Variants in MARCHF5 observed in about 807,000 individuals in gnomAD.
MARCHF5 encodes the protein membrane associated ring-CH-type finger 5, also known as E3 ubiquitin-protein ligase MARCHF5.
In MARCHF5, 5 loss-of-function variants were observed where a neutral mutation model predicts 36.5. That is an observed-to-expected ratio of 0.14 (90% CI 0.07 to 0.29). The LOEUF (loss-of-function observed/expected upper bound fraction) is 0.29. MARCHF5 is among the 10% of genes least tolerant of loss of function. The probability of loss-of-function intolerance (pLI) is 1.00; values close to 1 mark genes in which losing one functional copy is unlikely to be tolerated. For synonymous variants in MARCHF5, 103 were observed against 109.9 expected, an observed-to-expected ratio of 0.94 and a Z score of 0.39; for missense variants, 179 against 336.3, an observed-to-expected ratio of 0.53 and a Z score of 3.66.
intron 2 of MARCHF5, among the ~76,000 whole-genome samples, chr10:92,339,195 C>T (rs1441248124): frequency 6.6e-6 from 1 of 151,260 alleles, no homozygotes; most frequent in Non-Finnish European, 1.5e-5. Context: ...CAGGGTGAAA[C>T]CCCATCTCTA....
intron 2 of MARCHF5, among the ~76,000 whole-genome samples, chr10:92,328,087 T>C (rs915976709): frequency 6.6e-6 from 1 of 152,162 alleles, no homozygotes; most frequent in Non-Finnish European, 1.5e-5. Flanking sequence ...AGGGATATTA[T>C]ACAAAATACC....
At position 92,336,280 on chromosome 10, in the gene MARCHF5, G is replaced by A. The variant is rs557928606; in HGVS notation, c.239-4393G>A. Among the ~76,000 whole-genome samples the A allele has an allele frequency of 1.1e-4, 16 of 152,242 alleles. No homozygotes were observed. The South Asian group carries it at 2.7e-3, about 26-fold the overall frequency. On this transcript the variant is annotated intron_variant, in intron 2 of 5. Coordinates refer to ENST00000358935, the MANE Select transcript of MARCHF5 (RefSeq NM_017824.5). ...TCAAACTCCTGACCTCAGGTGATCCGCCCACCTTGGCCTCCCAAAGTGCTG... is the reference window on the plus strand; with the variant it reads ...TCAAACTCCTGACCTCAGGTGATCCACCCACCTTGGCCTCCCAAAGTGCTG...
chr10:92,331,418 C>T (rs1402639071), intron 2 of MARCHF5, among the ~76,000 whole-genome samples: 1 of 151,914 alleles, frequency 6.6e-6, no homozygotes, highest in East Asian at 1.9e-4. Flanking sequence ...CTGTTTGTAT[C>T]CTTACCTCCT....
chr10:92,298,254 C>A (rs2254769), intron 1 of MARCHF5, among the ~76,000 whole-genome samples: 2,069 of 152,230 alleles, frequency 0.014, 17 homozygotes, highest in Non-Finnish European at 0.023. Flanking sequence ...GACTTTTTAT[C>A]CTTCAGAATC....
rs1843278977 is a variant in MARCHF5 at position 92,320,583 on chromosome 10, T to A, written c.238+9246T>A. Reference sequence around the variant, plus strand: ...CTGACCCTGTGTAGGCCTAGGCTAATGTGTGTATTTGTGTCTTAGTTTTTA... The same window carrying A: ...CTGACCCTGTGTAGGCCTAGGCTAAAGTGTGTATTTGTGTCTTAGTTTTTA... On this transcript the variant is annotated intron_variant, in intron 2 of 5. Coordinates refer to ENST00000358935, the MANE Select transcript of MARCHF5 (RefSeq NM_017824.5). Among the ~76,000 whole-genome samples the A allele has an allele frequency of 9.2e-5, 14 of 152,150 alleles. No individual in the cohort carries two copies. The South Asian group carries it at 2.9e-3, about 32-fold the overall frequency.
intron 2 of MARCHF5, among the ~76,000 whole-genome samples, chr10:92,338,195 A>G (rs1441039766): frequency 2.6e-5 from 4 of 152,206 alleles, no homozygotes; most frequent in African/African-American, 9.6e-5. Context: ...TCTCAAAAAA[A>G]AAATCGAATT....
rs747029102 is a variant in MARCHF5 at position 92,349,719 on chromosome 10, C to G, written c.602C>G (p.Ala201Gly). The change falls in exon 5 of 6, where the codon GCA (alanine) becomes GGA (glycine). Residue 201 changes from alanine (A) to glycine (G), a missense_variant. Physicochemically the swap from Ala to Gly is moderately conservative, Grantham distance 60. Coordinates refer to ENST00000358935, the MANE Select transcript of MARCHF5 (RefSeq NM_017824.5). Reference protein sequence around the residue: ...PRIPAEANPLADHVSATRILC... With the variant: ...PRIPAEANPLGDHVSATRILC... ...ATTCCAGCTGAGGCCAATCCTTTAG[C>G]AGATCATGTCTCTGCTACTCGAATC... is the stretch of plus-strand genomic sequence containing the variant. The G allele has an allele frequency of 6.2e-7, 1 of 1,614,008 alleles. No homozygotes were observed. Among genetic ancestry groups the G allele is most frequent in the Non-Finnish European group, 8.5e-7 (1 of 1,180,004 alleles).
chr10:92,347,206 G>A (rs1006770442), intron 3 of MARCHF5, among the ~76,000 whole-genome samples: 6 of 152,060 alleles, frequency 3.9e-5, no homozygotes, highest in African/African-American at 1.2e-4. Context: ...TTTCCTGGCC[G>A]GGCGTGGTGG....
chr10:92,314,416 C>A (rs942333911), intron 2 of MARCHF5, among the ~76,000 whole-genome samples: 3 of 152,106 alleles, frequency 2.0e-5, no homozygotes, highest in Admixed American at 6.5e-5. Flanking sequence ...CCAAGGCAGG[C>A]GGATCACCTG....
chr10:92,296,205 C>T (rs760181188), intron 1 of MARCHF5, among the ~76,000 whole-genome samples: 6 of 151,946 alleles, frequency 3.9e-5, no homozygotes, highest in African/African-American at 4.8e-5. Context: ...GATTGCCTTT[C>T]GTTTTTATAA....
chr10:92,303,130 GATAA>G (rs1447737403), intron 1 of MARCHF5, among the ~76,000 whole-genome samples: 1 of 152,098 alleles, frequency 6.6e-6, no homozygotes, highest in African/African-American at 2.4e-5. Flanking sequence ...CTATCTTTTT[GATAA>G]ATAAAGCCCC....
chr10:92,307,194 T>C (rs1487134277), intron 1 of MARCHF5, among the ~76,000 whole-genome samples: 1 of 94,374 alleles, frequency 1.1e-5, no homozygotes, highest in Non-Finnish European at 2.6e-5. Flanking sequence ...TGTGTGTGTG[T>C]GTGTGTGTGT....
At chr10:92,323,777 G>T (rs902899973) in intron 2 of MARCHF5, among the ~76,000 whole-genome samples, 1 of 152,116 alleles carries the variant, frequency 6.6e-6, no homozygotes, top group Non-Finnish European at 1.5e-5. Context: ...ACATTGTCTG[G>T]ATGTCCCACA....
rs951744598 is a variant in MARCHF5, at chr10:92,325,457, A to G, written c.238+14120A>G. The stretch of plus-strand genomic sequence containing the variant: ...TATTTTGGCGCTCTGTTAAGTGCAC[A>G]TATTTATAATTGTTAGGTCAAGTGC... On this transcript the variant is annotated intron_variant, in intron 2 of 5. Transcript: ENST00000358935. Among the ~76,000 whole-genome samples the G allele has an allele frequency of 6.5e-4, 99 of 152,316 alleles. 1 individual carries two copies. In the Middle Eastern group the frequency reaches 0.01, roughly 16 times the overall value.
intron 1 of MARCHF5, among the ~76,000 whole-genome samples, chr10:92,306,036 C>A (rs1299272658): frequency 1.3e-5 from 2 of 152,158 alleles, no homozygotes; most frequent in African/African-American, 4.8e-5. Flanking sequence ...TGATGCAATG[C>A]GAATTGGTTA....
chr10:92,328,501 T>C (rs766428964), intron 2 of MARCHF5, among the ~76,000 whole-genome samples: 3 of 151,692 alleles, frequency 2.0e-5, no homozygotes, highest in Non-Finnish European at 2.9e-5. Context: ...TTTTGTGCAT[T>C]CTATTTGTCC....
chr10:92,325,287 G>A (rs932853577), intron 2 of MARCHF5, among the ~76,000 whole-genome samples: 1 of 152,154 alleles, frequency 6.6e-6, no homozygotes, highest in Non-Finnish European at 1.5e-5. Flanking sequence ...AGACTGCAAC[G>A]AGCTGTTATT....
intron 1 of MARCHF5, among the ~76,000 whole-genome samples, chr10:92,304,777 CTCAT>C (rs1322755085): frequency 6.6e-6 from 1 of 152,072 alleles, no homozygotes; most frequent in Non-Finnish European, 1.5e-5. Flanking sequence ...TTTTTCTCCC[CTCAT>C]TCAGATTTAC....
intron 2 of MARCHF5, among the ~76,000 whole-genome samples, chr10:92,338,251 C>T (rs978437560): frequency 1.3e-5 from 2 of 152,062 alleles, no homozygotes; most frequent in Non-Finnish European, 2.9e-5. Context: ...TATATACTTA[C>T]GGTCTTTAAC....
Sources: gnomAD v4.1 joint callset for allele counts (sites outside exome capture counted in the v4.1 genomes callset) on GRCh38, gnomAD v4.1.1 for gene constraint, MANE v1.5 for transcripts, NCBI Gene and HGNC (gene_info 2026-07-23, HGNC 2026-07-21) for gene names.